Variants in CELF6 observed in about 807,000 individuals in gnomAD.
CELF6 encodes the protein CUGBP Elav-like family member 6.
In CELF6, 32 loss-of-function variants were observed where a neutral mutation model predicts 53.1. The observed-to-expected ratio is 0.60, with a 90% CI of 0.46 to 0.81. The LOEUF (loss-of-function observed/expected upper bound fraction) is 0.81, where lower values mean the gene tolerates loss of function less well. Among genes scored for constraint, CELF6 ranks in the 30% least tolerant of loss-of-function variants. CELF6 has a pLI of 0.00. For missense variants in CELF6, 539 were observed against 669.5 expected (o/e 0.81, Z 2.15); for synonymous variants, 291 against 288.8 (o/e 1.01, Z -0.08).
At position 72,318,761 on chromosome 15, in the gene CELF6, A is replaced by T. The variant is rs747773595; in HGVS notation, c.262+852T>A. Among the ~76,000 whole-genome samples the T allele has an allele frequency of 5.3e-5, 8 of 152,246 alleles. No individual in the cohort carries two copies. The South Asian group carries it at 6.2e-4, about 12-fold the overall frequency. On this transcript the variant is annotated intron_variant, in intron 1 of 12. Transcript: ENST00000287202. ...TGGGACCAGCCTGTGAGGGGAGGGA[A>T]AGAAAGAGGCCATAAAGAGGACTGG...
chr15:72,315,996 C>A, intron 1 of CELF6, 69 bp from the exon 2 acceptor site: 3 of 1,076,680 alleles, frequency 2.8e-6, no homozygotes, highest in Non-Finnish European at 2.7e-6. Flanking sequence ...AAATACCCCA[C>A]TAAGTTGACA....
In CELF6 at chr15:72,319,762, A is replaced by G; in HGVS notation, c.113T>C (p.Val38Ala). The change falls in exon 1 of 13, where the codon GTA becomes GCA. Residue 38 changes from valine to alanine, a missense_variant. Physicochemically the swap from Val to Ala is moderately conservative, Grantham distance 64. This residue lies in a region of CELF6 where 84 missense variants were observed against 87.9 expected (regional missense o/e 0.96). Transcript: ENST00000287202. The surrounding 1 kb of genome is among the most constrained non-coding windows in gnomAD (Gnocchi z 5.0). The part of the protein sequence containing the change: ...GMSGLNPGPA[V>A]PMKDHDAIKL... ...GATGGCGTCGTGGTCCTTCATGGGT[A>G]CGGCGGGACCGGGGTTTAGCCCGCT... 6.3e-7 allele frequency: 1 copy of G among 1,590,814 alleles called. No homozygotes were observed. The highest frequency in any genetic ancestry group is 8.6e-7 in the Non-Finnish European group (1 of 1,167,834).
At chr15:72,315,954 G>A (rs1365311943) in intron 1 of CELF6, 27 bp from the exon 2 acceptor site, 46 of 1,523,856 alleles carry the variant, frequency 3.0e-5, no homozygotes, top group Non-Finnish European at 3.9e-5. Context: ...TGGCTCAGGG[G>A]GTTTCCTGAA....
In CELF6 at chr15:72,320,005, G is replaced by A; in HGVS notation, c.-131C>T. On this transcript the variant is annotated 5_prime_UTR_variant, in exon 1 of 13. Transcript: ENST00000287202. ...CGGAGAGGGCGGGGGGCTGCCCAGG[G>A]GGCGGGGTCCGGGTGGAGGGGCGTA... The A allele has an allele frequency of 9.8e-7, 1 of 1,025,440 alleles. No individual in the cohort carries two copies. The highest frequency in any genetic ancestry group is 1.4e-6 in the Non-Finnish European group (1 of 727,802). The allele number at this position is 1,025,440 out of a possible 1,614,324, so 63.5% of individuals were successfully genotyped here.
In CELF6 at chr15:72,319,631, G is replaced by A; in HGVS notation, c.244C>T (p.Leu82Phe). The A allele has an allele frequency of 6.4e-7, 1 of 1,560,144 alleles. No individual in the cohort carries two copies. Among genetic ancestry groups the A allele is most frequent in the South Asian group, 1.2e-5 (1 of 84,990 alleles). The change falls in exon 1 of 13, where the codon CTC (leucine) becomes TTC (phenylalanine). Residue 82 changes from leucine (L) to phenylalanine (F), a missense_variant. Physicochemically the swap from Leu to Phe is conservative, Grantham distance 22. This residue lies in a region of CELF6 where 97 missense variants were observed against 168.8 expected (regional missense o/e 0.57). Coordinates refer to ENST00000287202, the MANE Select transcript of CELF6 (RefSeq NM_052840.5). The surrounding 1 kb of genome is among the most constrained non-coding windows in gnomAD (Gnocchi z 5.0). The stretch of plus-strand genomic sequence containing the variant: ...CGCGCACCTTTGTGGAGGCCGGTGA[G>A]CCGGTCCTTCAGCACCGTCAGCTCG... ...IYELTVLKDR[L>F]TGLHKGCAFL...
chr15:72,302,322 G>A (rs960330416), intron 3 of CELF6, among the ~76,000 whole-genome samples: 1 of 152,192 alleles, frequency 6.6e-6, no homozygotes, highest in Non-Finnish European at 1.5e-5. Context: ...GATGCATTTG[G>A]AGTGTATGCT....
intron 11 of CELF6, 69 bp from the exon 12 acceptor site, chr15:72,287,461 C>T (rs536248281): frequency 3.2e-6 from 5 of 1,579,464 alleles, no homozygotes; most frequent in Non-Finnish European, 4.3e-6. Flanking sequence ...CTCTGACCAG[C>T]CCCCTCCTCT....
chr15:72,312,434 C>G (rs906416367), intron 2 of CELF6, among the ~76,000 whole-genome samples: 62 of 152,278 alleles, frequency 4.1e-4, no homozygotes, highest in African/African-American at 1.3e-3. Context: ...CAAAACCAGC[C>G]TGACCAACAT....
At position 72,288,611 on chromosome 15, in the gene CELF6, A is replaced by G; in HGVS notation, c.1101T>C (p.Tyr367=). The G allele has an allele frequency of 2.6e-6, 4 of 1,561,692 alleles. No individual in the cohort carries two copies. The highest frequency in any genetic ancestry group is 3.5e-6 in the Non-Finnish European group (4 of 1,153,622). ...TGCTCACTGGGGCATAGGCCGACGG[A>G]TAGGCTGCTGGAGACAGAGGTGGGA... ...YAGMHHYAAA[Y]PSAYAPVSTA... is the part of the protein sequence containing the mutation. The change falls in exon 10 of 13, where the codon TAT becomes TAC. Residue 367 remains tyrosine, a synonymous_variant. Coordinates refer to ENST00000287202, the MANE Select transcript of CELF6 (RefSeq NM_052840.5). This position sits in a 1 kb window ranked among gnomAD's most constrained non-coding sequence, Gnocchi z 4.6.
rs573905090 is a variant in CELF6 at position 72,301,356 on chromosome 15, T to C, written c.394+3390A>G. Among the ~76,000 whole-genome samples the C allele has an allele frequency of 3.3e-5, 5 of 152,128 alleles. No homozygotes were observed. In the South Asian group the frequency reaches 8.3e-4, roughly 25 times the overall value. On this transcript the variant is annotated intron_variant, in intron 3 of 12. Coordinates refer to ENST00000287202, the MANE Select transcript of CELF6 (RefSeq NM_052840.5). ...TTAAGGTTACCTACCTGGGCTCCTG[T>C]AGTATTTGAGCTGATGATCCCTACT...
Position 72,288,533 on chromosome 15 carries a change from C to T in CELF6, c.1174+5G>A. ...GGTTCTGCTGTCCAGCCCCCAGTCCCTCACCTTCTCTCTGCTGCTGGGGCA... is the reference window on the plus strand; with the variant it reads ...GGTTCTGCTGTCCAGCCCCCAGTCCTTCACCTTCTCTCTGCTGCTGGGGCA... On this transcript the variant is annotated splice_donor_5th_base_variant and intron_variant, in intron 10 of 12. Coordinates refer to ENST00000287202, the MANE Select transcript of CELF6 (RefSeq NM_052840.5). This position sits in a 1 kb window ranked among gnomAD's most constrained non-coding sequence, Gnocchi z 4.6. 1 of 1,607,760 alleles carries T rather than the reference C, an allele frequency of 6.2e-7. No homozygotes were observed. Among genetic ancestry groups the T allele is most frequent in the South Asian group, 1.1e-5 (1 of 90,444 alleles).
intron 2 of CELF6, chr15:72,306,160 T>G (rs1018614049): frequency 1.0e-6 from 1 of 977,332 alleles, no homozygotes; most frequent in African/African-American, 1.8e-5. Context: ...ATGGGTGTTG[T>G]GGGGATCACA....
Position 72,288,963 on chromosome 15 carries a change from A to G in CELF6, c.1031-33T>C. 1 of 1,541,668 alleles carries G rather than the reference A, an allele frequency of 6.5e-7. No individual in the cohort carries two copies. The highest frequency in any genetic ancestry group is 8.8e-7 in the Non-Finnish European group (1 of 1,139,920). ...GAGAGGGGCGCGAGGCCCACAGTGA[A>G]GGCAAGCGGGCGAGCAGAGTGGGTG... On this transcript the variant is annotated intron_variant, in intron 8 of 12. Transcript: ENST00000287202. This position sits in a 1 kb window ranked among gnomAD's most constrained non-coding sequence, Gnocchi z 4.6.
At chr15:72,311,099 C>T (rs2088287966) in intron 2 of CELF6, among the ~76,000 whole-genome samples, 1 of 152,140 alleles carries the variant, frequency 6.6e-6, no homozygotes, top group Admixed American at 6.5e-5. Context: ...TGCAAAGCAT[C>T]TACTCCCTCC....
chr15:72,288,242 T>C lies in CELF6; in HGVS notation c.1318+66A>G, dbSNP rs1184410777. 9 of 1,524,288 alleles carry C rather than the reference T, an allele frequency of 5.9e-6. No individual in the cohort carries two copies. The highest frequency in any genetic ancestry group is 7.3e-6 in the Non-Finnish European group (8 of 1,098,852). 94.4% of individuals were successfully genotyped at this position (1,524,288 alleles called of 1,614,324 possible). On this transcript the variant is annotated intron_variant, in intron 11 of 12. Transcript: ENST00000287202. The surrounding 1 kb of genome is among the most constrained non-coding windows in gnomAD (Gnocchi z 4.6). Reference sequence around the variant, plus strand: ...TCACTGCATTATGGAAGGGCAATCGTAGGGTCTGTAGGAAATCCTTTATAG... The same window carrying C: ...TCACTGCATTATGGAAGGGCAATCGCAGGGTCTGTAGGAAATCCTTTATAG...
At chr15:72,308,512 C>G (rs1393415141) in intron 2 of CELF6, among the ~76,000 whole-genome samples, 3 of 152,052 alleles carry the variant, frequency 2.0e-5, no homozygotes, top group Non-Finnish European at 2.9e-5. Context: ...CAGGTGTGAG[C>G]CACCGCACCT....
Position 72,289,814 on chromosome 15 carries a change from GCCCCGGCCC to G in CELF6, c.604-53_604-45del. The G allele has an allele frequency of 6.8e-7, 1 of 1,463,326 alleles. No individual in the cohort carries two copies. Among genetic ancestry groups the G allele is most frequent in the Non-Finnish European group, 9.0e-7 (1 of 1,111,506 alleles). The allele number at this position is 1,463,326 out of a possible 1,614,324, so 90.6% of individuals were successfully genotyped here. A position where few individuals can be genotyped will look rare whatever the true frequency, so the allele number is the denominator to read the frequency against. ...GCCGTGGTGACCGGTCCTGACCCTG[GCCCCGGCCC>G]GGGGCCGAGCGCCTTTCCCATCAGG... is the stretch of plus-strand genomic sequence containing the variant. On this transcript the variant is annotated intron_variant, in intron 5 of 12. Coordinates refer to ENST00000287202, the MANE Select transcript of CELF6 (RefSeq NM_052840.5). This position sits in a 1 kb window ranked among gnomAD's most constrained non-coding sequence, Gnocchi z 7.6.
chr15:72,292,968 A>G (rs1387851741), intron 3 of CELF6, among the ~76,000 whole-genome samples: 1 of 152,236 alleles, frequency 6.6e-6, no homozygotes, highest in African/African-American at 2.4e-5. Context: ...CGGAGGTTAC[A>G]GTGAGCCGAG....
chr15:72,294,417 GTA>G (rs2088047934), intron 3 of CELF6, among the ~76,000 whole-genome samples: 1 of 152,274 alleles, frequency 6.6e-6, no homozygotes, highest in South Asian at 2.1e-4. Flanking sequence ...GGCAGTAATT[GTA>G]TTACAGCAAA....
Sources: gnomAD v4.1 joint callset for allele counts (sites outside exome capture counted in the v4.1 genomes callset) on GRCh38, gnomAD v4.1.1 for gene constraint, gnomAD v4.1.1 regional missense constraint, Gnocchi (gnomAD v3.1) non-coding constraint, MANE v1.5 for transcripts, NCBI Gene and HGNC (gene_info 2026-07-23, HGNC 2026-07-21) for gene names.